The following APH1B variants were observed in gnomAD, a reference collection of about 807,000 sequenced individuals.
APH1B encodes aph-1B gamma-secretase subunit.
In APH1B, 27 loss-of-function variants were observed where a neutral mutation model predicts 28.2. That is an observed-to-expected ratio of 0.96 (90% CI 0.70 to 1.32). APH1B has a LOEUF of 1.32. Ranked by LOEUF, APH1B falls within the 40% of genes most tolerant of loss-of-function variation. The pLI is 0.00. For missense variants in APH1B, 305 were observed against 313.6 expected, an observed-to-expected ratio of 0.97 and a Z score of 0.21; for synonymous variants, 141 against 124.6, an observed-to-expected ratio of 1.13 and a Z score of -0.88.
chr15:63,281,435 G>A (rs1400764222), intron 2 of APH1B, among the ~76,000 whole-genome samples: 2 of 151,528 alleles, frequency 1.3e-5, no homozygotes, highest in Non-Finnish European at 2.9e-5. Flanking sequence ...CCCCTGACTG[G>A]GCACTGTACT....
At position 63,277,720 on chromosome 15, in the gene APH1B, A is replaced by G. The variant is rs200138125; in HGVS notation, c.97A>G (p.Ile33Val). Reference sequence around the variant, plus strand: ...CATCGCCACCGAGCCGTTGCGTATCATCTTCCTCATCGCCGGGTGAGGCGG... The same window carrying G: ...CATCGCCACCGAGCCGTTGCGTATCGTCTTCCTCATCGCCGGGTGAGGCGG... ...FTIATEPLRI[I>V]FLIAGAFFWL... The change falls in exon 1 of 6, where the codon ATC becomes GTC. Residue 33 changes from isoleucine (I) to valine (V), a missense_variant. Ile to Val is a conservative substitution (Grantham distance 29). Transcript: ENST00000261879. 1.4e-5 allele frequency: 22 copies of G among 1,609,996 alleles called. No individual in the cohort carries two copies. The South Asian group carries it at 2.3e-4, about 17-fold the overall frequency.
intron 2 of APH1B, among the ~76,000 whole-genome samples, chr15:63,284,683 G>A (rs1442134339): frequency 6.6e-6 from 1 of 152,164 alleles, no homozygotes; most frequent in Non-Finnish European, 1.5e-5. Context: ...GCAGTCCATT[G>A]TTGACTGAAA....
At chr15:63,295,016 A>C (rs1193183190) in intron 4 of APH1B, among the ~76,000 whole-genome samples, 2 of 152,172 alleles carry the variant, frequency 1.3e-5, no homozygotes, top group African/African-American at 2.4e-5. Context: ...ATATTTCCTG[A>C]TTCTTCCCTT....
chr15:63,305,548 T>C, intron 5 of APH1B, 66 bp from the exon 6 acceptor site: 1 of 1,556,542 alleles, frequency 6.4e-7, no homozygotes, highest in South Asian at 1.1e-5. Context: ...CCCTTTATCT[T>C]TGGTTATTCC....
rs1321671251 is a variant in APH1B at position 63,306,872 on chromosome 15, A to G, written c.*1091A>G. 2 of 152,284 alleles carry G rather than the reference A, an allele frequency of 1.3e-5. No homozygotes were observed. The highest frequency in any genetic ancestry group is 2.1e-4 in the South Asian group (1 of 4,836). The allele number at this position is 152,284 out of a possible 1,614,324, so 9.4% of individuals were successfully genotyped here. ...AAACTGCCAAATCTCACACTATTGC[A>G]TAATCCATATGCTCTTTAGATCTAG... On this transcript the variant is annotated 3_prime_UTR_variant, in exon 6 of 6. Coordinates refer to ENST00000261879, the MANE Select transcript of APH1B (RefSeq NM_031301.4).
At chr15:63,295,884 G>A (rs1419936570) in intron 4 of APH1B, among the ~76,000 whole-genome samples, 2 of 151,616 alleles carry the variant, frequency 1.3e-5, no homozygotes, top group South Asian at 2.1e-4. Flanking sequence ...ATTGTGTAGA[G>A]GACGGGATCA....
rs2038688974 is a variant in APH1B at position 63,306,462 on chromosome 15, G to A, written c.*681G>A. On this transcript the variant is annotated 3_prime_UTR_variant, in exon 6 of 6. Transcript: ENST00000261879. ...TTCTGAGGCATTACATTGTTTTTGA[G>A]TATAGATTACATTTTATTAACTAAA... The A allele has an allele frequency of 6.6e-6, 1 of 152,196 alleles. No individual in the cohort carries two copies. Among genetic ancestry groups the A allele is most frequent in the Non-Finnish European group, 1.5e-5 (1 of 68,052 alleles). 9.4% of individuals were successfully genotyped at this position (152,196 alleles called of 1,614,324 possible). A position where few individuals can be genotyped will look rare whatever the true frequency, so the allele number is the denominator to read the frequency against.
At chr15:63,280,256 G>C (rs970650005) in intron 2 of APH1B, among the ~76,000 whole-genome samples, 1 of 152,138 alleles carries the variant, frequency 6.6e-6, no homozygotes, top group African/African-American at 2.4e-5. Context: ...CCAGAAAGTA[G>C]GTCTTCTCTA....
At chr15:63,292,939 A>T (rs917732286) in intron 4 of APH1B, among the ~76,000 whole-genome samples, 1 of 152,120 alleles carries the variant, frequency 6.6e-6, no homozygotes, top group Non-Finnish European at 1.5e-5. Flanking sequence ...CGGCTGTAAG[A>T]CTTGATGGCT....
rs1181408968 is a variant in APH1B, at chr15:63,304,567, A to G, written c.607-1047A>G. Among the ~76,000 whole-genome samples the G allele has an allele frequency of 1.3e-5, 2 of 152,312 alleles. No individual in the cohort carries two copies. The highest frequency in any genetic ancestry group is 4.1e-4 in the South Asian group (2 of 4,824). ...ATTCTCTTAATGTCTTTCGGTGAACAAAAGTTCTTAATTTTATATAGTCTG... is the reference window on the plus strand; with the variant it reads ...ATTCTCTTAATGTCTTTCGGTGAACGAAAGTTCTTAATTTTATATAGTCTG... On this transcript the variant is annotated intron_variant, in intron 5 of 5. Coordinates refer to ENST00000261879, the MANE Select transcript of APH1B (RefSeq NM_031301.4). The surrounding 1 kb of genome is among the most constrained non-coding windows in gnomAD (Gnocchi z 5.1).
At position 63,308,096 on chromosome 15, in the gene APH1B, T is replaced by TA. The variant is rs1354494170; in HGVS notation, c.*2315_*2316insA. 2 of 152,226 alleles carry TA rather than the reference T, an allele frequency of 1.3e-5. No homozygotes were observed. Among genetic ancestry groups the TA allele is most frequent in the African/African-American group, 4.8e-5 (2 of 41,448 alleles). The allele number at this position is 152,226 out of a possible 1,614,324, so 9.4% of individuals were successfully genotyped here. A position where few individuals can be genotyped will look rare whatever the true frequency, so the allele number is the denominator to read the frequency against. On this transcript the variant is annotated 3_prime_UTR_variant, in exon 6 of 6. Transcript: ENST00000261879. Reference sequence around the variant, plus strand: ...GTACATATATTGAAATGCTTTTTTTTTTTTATTTTGCATTTGTTATCTATA... The same window carrying TA: ...GTACATATATTGAAATGCTTTTTTTTATTTTATTTTGCATTTGTTATCTATA...
chr15:63,283,826 C>G (rs1268762665), intron 2 of APH1B, among the ~76,000 whole-genome samples: 2 of 152,160 alleles, frequency 1.3e-5, no homozygotes, highest in Non-Finnish European at 2.9e-5. Context: ...AGTTTTAGCT[C>G]TGATAGCTGG....
intron 5 of APH1B, 26 bp from the exon 6 acceptor site, chr15:63,305,588 C>A: frequency 1.2e-6 from 2 of 1,611,904 alleles, no homozygotes; most frequent in South Asian, 1.1e-5. Flanking sequence ...TGTTATTACC[C>A]AAGCTGATTT....
At chr15:63,279,436 A>T in intron 2 of APH1B, 105 bp downstream of exon 2, 1 of 1,008,244 alleles carries the variant, frequency 9.9e-7, no homozygotes, top group South Asian at 2.6e-5. Flanking sequence ...CCTCCTACAT[A>T]GTACTAAGCC....
intron 2 of APH1B, among the ~76,000 whole-genome samples, chr15:63,284,503 T>C (rs1373718612): frequency 6.6e-6 from 1 of 152,246 alleles, no homozygotes; most frequent in African/African-American, 2.4e-5. Flanking sequence ...CGTGGGCCAC[T>C]GCGCCTGGCC....
At position 63,284,494 on chromosome 15, in the gene APH1B, G is replaced by T. The variant is rs1473710161; in HGVS notation, c.285-2064G>T. ...TTCCCAAAATGCTGAGATTATAGGC[G>T]TGGGCCACTGCGCCTGGCCAATATG... On this transcript the variant is annotated intron_variant, in intron 2 of 5. Transcript: ENST00000261879. Among the ~76,000 whole-genome samples, 4 of 152,312 alleles carry T rather than the reference G, an allele frequency of 2.6e-5. No homozygotes were observed. The East Asian group carries it at 7.7e-4, about 29-fold the overall frequency.
At chr15:63,282,267 A>G (rs1188081715) in intron 2 of APH1B, among the ~76,000 whole-genome samples, 1 of 152,200 alleles carries the variant, frequency 6.6e-6, no homozygotes, top group Non-Finnish European at 1.5e-5. Flanking sequence ...TTTTAAATTT[A>G]AAGTGCTACC....
Position 63,308,446 on chromosome 15 carries a change from T to C in APH1B, c.*2665T>C, listed in dbSNP as rs1212671866. ...TTAATGAAAACATGGATGAAAGGAATTAATGATGATATCTGCAGACTGCGT... is the reference window on the plus strand; with the variant it reads ...TTAATGAAAACATGGATGAAAGGAACTAATGATGATATCTGCAGACTGCGT... On this transcript the variant is annotated 3_prime_UTR_variant, in exon 6 of 6. Coordinates refer to ENST00000261879, the MANE Select transcript of APH1B (RefSeq NM_031301.4). 3 of 152,224 alleles carry C rather than the reference T, an allele frequency of 2.0e-5. No homozygotes were observed. The highest frequency in any genetic ancestry group is 2.0e-4 in the Admixed American group (3 of 15,284). The allele number at this position is 152,224 out of a possible 1,614,324, so 9.4% of individuals were successfully genotyped here. A position where few individuals can be genotyped will look rare whatever the true frequency, so the allele number is the denominator to read the frequency against.
At chr15:63,287,081 A>G (rs191386791) in intron 3 of APH1B, 2 of 250,902 alleles carry the variant, frequency 8.0e-6, no homozygotes, top group East Asian at 1.8e-4. Context: ...TTCAGTTCTA[A>G]GCCATCAAAC....
Sources: gnomAD v4.1 joint callset for allele counts (sites outside exome capture counted in the v4.1 genomes callset) on GRCh38, gnomAD v4.1.1 for gene constraint, Gnocchi (gnomAD v3.1) non-coding constraint, MANE v1.5 for transcripts, NCBI Gene and HGNC (gene_info 2026-07-23, HGNC 2026-07-21) for gene names.